EGFR: variants seen among roughly 807,000 people sequenced by gnomAD.
EGFR encodes avian erythroblastic leukemia viral (v-erb-b) oncogene homolog.
In EGFR, 58 loss-of-function variants were observed where a neutral mutation model predicts 143.0. That is an observed-to-expected ratio of 0.41 (90% confidence interval 0.33 to 0.50). The LOEUF is 0.50. Among genes scored for constraint, EGFR ranks in the 20% least tolerant of loss-of-function variants. The pLI, the probability that EGFR is intolerant of heterozygous loss-of-function variation, is 0.39. For synonymous variants in EGFR, 613 were observed against 594.4 expected, an observed-to-expected ratio of 1.03 and a Z score of -0.45; for missense variants, 1,307 against 1,579.0, an observed-to-expected ratio of 0.83 and a Z score of 2.92.
chr7:55,175,144 G>A (rs151044587), intron 19 of EGFR, among the ~76,000 whole-genome samples: 2 of 152,294 alleles, frequency 1.3e-5, no homozygotes, highest in Admixed American at 1.3e-4. Context: ...GTATTTTTTG[G>A]ATGAAGAAAT....
intron 10 of EGFR, 170 bp downstream of exon 10, chr7:55,157,002 AG>A (rs1785454072): frequency 6.8e-7 from 1 of 1,463,640 alleles, no homozygotes; most frequent in South Asian, 1.4e-5. Context: ...TGCAGGCAAA[AG>A]GGGACACGTT....
chr7:55,020,998 G>T (rs1786534971), intron 1 of EGFR, among the ~76,000 whole-genome samples: 1 of 152,094 alleles, frequency 6.6e-6, no homozygotes, highest in Admixed American at 6.5e-5. Context: ...TGCTCTTCAT[G>T]TGATCTGTTG....
intron 1 of EGFR, among the ~76,000 whole-genome samples, chr7:55,096,663 G>T (rs762132957): frequency 6.6e-6 from 1 of 152,164 alleles, no homozygotes; most frequent in Admixed American, 6.5e-5. Context: ...GGGAACTGCC[G>T]CACGGCCACT....
chr7:55,192,922 C>G, intron 22 of EGFR, 81 bp downstream of exon 22: 2 of 1,185,168 alleles, frequency 1.7e-6, no homozygotes, highest in Non-Finnish European at 2.5e-6. Context: ...ATTATATCCT[C>G]TGACATGCAA....
At chr7:55,044,562 G>A (rs533873274) in intron 1 of EGFR, among the ~76,000 whole-genome samples, 5 of 152,288 alleles carry the variant, frequency 3.3e-5, no homozygotes, top group East Asian at 3.9e-4. Flanking sequence ...TGCTTCGAGC[G>A]AGTTACCAGA....
At chr7:55,131,476 C>T (rs1793828053) in intron 1 of EGFR, among the ~76,000 whole-genome samples, 2 of 152,120 alleles carry the variant, frequency 1.3e-5, no homozygotes, top group South Asian at 4.1e-4. Context: ...CTCATCTGTT[C>T]CCCGCAGTAA....
chr7:55,166,826 A>G (rs1419938491), intron 15 of EGFR, among the ~76,000 whole-genome samples: 2 of 87,698 alleles, frequency 2.3e-5, no homozygotes, highest in East Asian at 2.1e-3. Context: ...GGGAGTCACA[A>G]TGGTGGCAGT....
intron 1 of EGFR, among the ~76,000 whole-genome samples, chr7:55,120,538 A>C (rs757350934): frequency 6.6e-6 from 1 of 152,228 alleles, no homozygotes; most frequent in African/African-American, 2.4e-5. Flanking sequence ...CTTTTAAATC[A>C]GCCAATGGGT....
chr7:55,097,123 A>G (rs896275769), intron 1 of EGFR, among the ~76,000 whole-genome samples: 3 of 152,120 alleles, frequency 2.0e-5, no homozygotes, highest in African/African-American at 4.8e-5. Context: ...GCCACTGAGG[A>G]TGTTTGTCAA....
chr7:55,175,994 A>C (rs1285210470), intron 19 of EGFR, among the ~76,000 whole-genome samples: 2 of 152,228 alleles, frequency 1.3e-5, no homozygotes, highest in African/African-American at 2.4e-5. Context: ...ATTAGCTTTC[A>C]TTTTAACGGT....
chr7:55,170,456 CAG>C, intron 15 of EGFR: 1 of 1,614,156 alleles, frequency 6.2e-7, no homozygotes. Context: ...CTTCTGCCGT[CAG>C]AGTTTCAGCT....
chr7:55,174,441 C>A (rs557973365), intron 18 of EGFR, among the ~76,000 whole-genome samples: 1 of 152,292 alleles, frequency 6.6e-6, no homozygotes, highest in African/African-American at 2.4e-5. Flanking sequence ...GACGCAGCAT[C>A]ATTAAATTCT....
chr7:55,107,218 C>A (rs1462661344), intron 1 of EGFR, among the ~76,000 whole-genome samples: 1 of 152,178 alleles, frequency 6.6e-6, no homozygotes, highest in African/African-American at 2.4e-5. Context: ...CTGCTCCTTG[C>A]CTTCTTTCCC....
intron 10 of EGFR, 148 bp downstream of exon 10, chr7:55,156,980 T>C: frequency 6.6e-7 from 1 of 1,512,502 alleles, no homozygotes; most frequent in South Asian, 1.3e-5. Flanking sequence ...TTTTCAAAAG[T>C]GCAGTTTCTC....
At chr7:55,023,390 C>G (rs1786685132) in intron 1 of EGFR, among the ~76,000 whole-genome samples, 2 of 152,094 alleles carry the variant, frequency 1.3e-5, no homozygotes, top group South Asian at 4.1e-4. Context: ...TGGCTCACCT[C>G]TATAATCCCA....
chr7:55,202,426 C>A (rs1787889210), intron 26 of EGFR, 91 bp from the exon 27 acceptor site: 6 of 1,114,204 alleles, frequency 5.4e-6, no homozygotes, highest in Non-Finnish European at 1.3e-6. Flanking sequence ...TAATCAGAAC[C>A]AGCATCTCAA....
chr7:55,151,080 C>T (rs777592958), intron 4 of EGFR, among the ~76,000 whole-genome samples: 13 of 152,188 alleles, frequency 8.5e-5, no homozygotes, highest in Non-Finnish European at 1.3e-4. Context: ...CCTCAGTTTC[C>T]GCAGCTGACA....
At chr7:55,133,389 T>G (rs1370869222) in intron 1 of EGFR, among the ~76,000 whole-genome samples, 4 of 152,176 alleles carry the variant, frequency 2.6e-5, no homozygotes. Context: ...TACTGCCTGG[T>G]GCTCACCAGC....
intron 1 of EGFR, among the ~76,000 whole-genome samples, chr7:55,069,003 C>A (rs1375084531): frequency 6.6e-6 from 1 of 152,148 alleles, no homozygotes; most frequent in South Asian, 2.1e-4. Context: ...GAACAGTGTT[C>A]ACTTCTTTTT....
Sources: allele counts gnomAD v4.1 joint callset (sites outside exome capture counted in the v4.1 genomes callset), GRCh38; gene constraint gnomAD v4.1.1; transcripts MANE v1.5; gene names NCBI Gene and HGNC (gene_info 2026-07-23, HGNC 2026-07-21).